The following ROBO2 variants were observed in gnomAD, a reference collection of about 807,000 sequenced individuals.
ROBO2 encodes the protein roundabout homolog 2.
ROBO2 carries 53 observed loss-of-function variants against 160.8 expected under a neutral mutation model. The observed-to-expected ratio is 0.33, with a 90% CI of 0.26 to 0.41. The LOEUF (loss-of-function observed/expected upper bound fraction) is 0.41. Ranked by LOEUF, ROBO2 falls within the 10% of genes least tolerant of loss-of-function variation. The pLI is 1.00. For synonymous variants in ROBO2, 664 were observed against 611.7 expected (o/e 1.09, Z -1.26); for missense variants, 1,577 against 1,722.4 (o/e 0.92, Z 1.49).
At chr3:76,852,957 A>G (rs531654194) in intron 2 of ROBO2, among the ~76,000 whole-genome samples, 2 of 152,246 alleles carry the variant, frequency 1.3e-5, no homozygotes, top group South Asian at 4.1e-4. Flanking sequence ...TTAGTTATTA[A>G]GGGATTGTGT....
intron 2 of ROBO2, among the ~76,000 whole-genome samples, chr3:76,082,098 C>T (rs571269109): frequency 6.6e-6 from 1 of 152,162 alleles, no homozygotes; most frequent in Non-Finnish European, 1.5e-5. Context: ...AGTCACTGAG[C>T]CGTATGCCCA....
intron 2 of ROBO2, among the ~76,000 whole-genome samples, chr3:76,077,257 C>G (rs2068672893): frequency 6.6e-6 from 1 of 152,116 alleles, no homozygotes; most frequent in Non-Finnish European, 1.5e-5. Context: ...ACATAAATTT[C>G]ATAATGTTTT....
At chr3:76,314,965 C>G (rs1250415909) in intron 2 of ROBO2, among the ~76,000 whole-genome samples, 7 of 151,974 alleles carry the variant, frequency 4.6e-5, no homozygotes, top group African/African-American at 1.5e-4. Context: ...ATATTTATAG[C>G]TACTATTAAA....
intron 24 of ROBO2, among the ~76,000 whole-genome samples, chr3:77,637,047 T>C (rs960331145): frequency 1.3e-5 from 2 of 152,326 alleles, no homozygotes; most frequent in Admixed American, 1.3e-4. Context: ...CCTAACATAG[T>C]TCAATTAAAC....
intron 2 of ROBO2, among the ~76,000 whole-genome samples, chr3:76,878,384 G>A (rs183729719): frequency 3.9e-5 from 6 of 152,160 alleles, no homozygotes; most frequent in African/African-American, 1.4e-4. Context: ...CCTCCTTATC[G>A]ATACCTTTTT....
In ROBO2 at chr3:76,897,814, TTGTC is replaced by T. The variant is rs1434122832; in HGVS notation, c.110-200195_110-200192del. On this transcript the variant is annotated intron_variant, in intron 2 of 26. Coordinates refer to the ROBO2 transcript ENST00000487694. Reference sequence around the variant, plus strand: ...AATTACATGGAAACTTTCTCTTCATTTGTCTGTCCAATGGCTATATCCGATATTG... The same window carrying T: ...AATTACATGGAAACTTTCTCTTCATTTGTCCAATGGCTATATCCGATATTG... 1.1e-4 allele frequency among the ~76,000 whole-genome samples: 16 copies of T among 152,194 alleles called. No homozygotes were observed. In the South Asian group the frequency reaches 1.9e-3, roughly 18 times the overall value.
intron 2 of ROBO2, among the ~76,000 whole-genome samples, chr3:76,235,071 G>A (rs1442316873): frequency 6.6e-6 from 1 of 152,060 alleles, no homozygotes; most frequent in Admixed American, 6.6e-5. Flanking sequence ...GGGCCCAAAG[G>A]GTGGGTAAGT....
chr3:76,619,496 T>C (rs2088886407), intron 2 of ROBO2, among the ~76,000 whole-genome samples: 1 of 152,242 alleles, frequency 6.6e-6, no homozygotes, highest in African/African-American at 2.4e-5. Flanking sequence ...TGTTCTCCAG[T>C]TTGATAGAGC....
At chr3:77,125,388 T>C (rs1484233421) in intron 2 of ROBO2, among the ~76,000 whole-genome samples, 1 of 152,182 alleles carries the variant, frequency 6.6e-6, no homozygotes, top group Non-Finnish European at 1.5e-5. Flanking sequence ...ATATCATCTG[T>C]AGGTGTTTGT....
intron 2 of ROBO2, among the ~76,000 whole-genome samples, chr3:77,156,036 T>A (rs2077979615): frequency 6.6e-6 from 1 of 151,996 alleles, no homozygotes; most frequent in Non-Finnish European, 1.5e-5. Context: ...AATTTTCATC[T>A]TCCTCTGGGC....
At chr3:76,612,888 T>C (rs1324069132) in intron 2 of ROBO2, among the ~76,000 whole-genome samples, 2 of 152,176 alleles carry the variant, frequency 1.3e-5, no homozygotes, top group Non-Finnish European at 2.9e-5. Context: ...CTGACATAAG[T>C]ATAGCTACTA....
chr3:76,272,333 A>G (rs1707485057), intron 2 of ROBO2, among the ~76,000 whole-genome samples: 1 of 152,082 alleles, frequency 6.6e-6, no homozygotes. Flanking sequence ...TATGAGTTAA[A>G]AATATGAACC....
At chr3:76,228,635 TC>T (rs937485510) in intron 2 of ROBO2, among the ~76,000 whole-genome samples, 1 of 152,174 alleles carries the variant, frequency 6.6e-6, no homozygotes, top group Admixed American at 6.5e-5. Context: ...TTTGCCCTTT[TC>T]ATTATTTACA....
intron 5 of ROBO2, among the ~76,000 whole-genome samples, chr3:77,514,677 G>A (rs1427788842): frequency 6.6e-6 from 1 of 151,756 alleles, no homozygotes; most frequent in African/African-American, 2.4e-5. Flanking sequence ...GTCTTTAAAT[G>A]TAAGGAAATA....
At chr3:77,372,425 C>A (rs1418072119) in intron 2 of ROBO2, among the ~76,000 whole-genome samples, 2 of 151,948 alleles carry the variant, frequency 1.3e-5, no homozygotes, top group Non-Finnish European at 2.9e-5. Context: ...ATATTCTATG[C>A]CATTTATAGT....
chr3:76,682,221 C>T (rs2092581374), intron 2 of ROBO2, among the ~76,000 whole-genome samples: 2 of 152,054 alleles, frequency 1.3e-5, no homozygotes, highest in African/African-American at 4.8e-5. Flanking sequence ...GTTTTGAACC[C>T]TAATATCAAC....
chr3:75,960,301 A>C (rs1024953485), intron 2 of ROBO2, among the ~76,000 whole-genome samples: 2 of 151,788 alleles, frequency 1.3e-5, no homozygotes, highest in Non-Finnish European at 2.9e-5. Flanking sequence ...CACAATGCTC[A>C]AGTTGTTATC....
chr3:76,983,498 A>G (rs2060207899), intron 2 of ROBO2, among the ~76,000 whole-genome samples: 1 of 152,214 alleles, frequency 6.6e-6, no homozygotes, highest in Non-Finnish European at 1.5e-5. Context: ...TAATTAATCC[A>G]TCTATTTAGT....
At chr3:76,746,095 G>C (rs2093886177) in intron 2 of ROBO2, among the ~76,000 whole-genome samples, 1 of 148,784 alleles carries the variant, frequency 6.7e-6, no homozygotes, top group Non-Finnish European at 1.5e-5. Context: ...TTGGTTTTTT[G>C]TTCTTGCGAT....
Sources: allele counts gnomAD v4.1 joint callset (sites outside exome capture counted in the v4.1 genomes callset), GRCh38; gene constraint gnomAD v4.1.1; transcripts MANE v1.5; gene names NCBI Gene and HGNC (gene_info 2026-07-23, HGNC 2026-07-21).